The following RELN variants were observed in gnomAD, a reference collection of about 807,000 sequenced individuals.
The protein encoded by RELN is reelin.
Under a neutral mutation model 427.6 loss-of-function variants are expected in RELN, and 108 were observed. That is an observed-to-expected ratio of 0.25 (90% CI 0.22 to 0.30). The LOEUF (loss-of-function observed/expected upper bound fraction) is 0.30. Among genes scored for constraint, RELN ranks in the 10% least tolerant of loss-of-function variants. The pLI, the probability that RELN is intolerant of heterozygous loss-of-function variation, is 1.00. For synonymous variants in RELN, 1,524 were observed against 1,513.4 expected, an observed-to-expected ratio of 1.01 and a Z score of -0.16; for missense variants, 3,715 against 4,302.8, an observed-to-expected ratio of 0.86 and a Z score of 3.82.
At chr7:103,931,043 C>T (rs1563097627) in intron 1 of RELN, among the ~76,000 whole-genome samples, 1 of 152,022 alleles carries the variant, frequency 6.6e-6, no homozygotes, top group Non-Finnish European at 1.5e-5. Context: ...CTTCCTGAGT[C>T]TTATAAAATT....
intron 1 of RELN, among the ~76,000 whole-genome samples, chr7:103,936,753 C>G (rs1212601477): frequency 1.7e-4 from 15 of 88,306 alleles, no homozygotes; most frequent in East Asian, 5.8e-4. Context: ...GACACACACA[C>G]ACACACACAC....
At chr7:103,908,943 A>G (rs1795278482) in intron 2 of RELN, among the ~76,000 whole-genome samples, 1 of 152,216 alleles carries the variant, frequency 6.6e-6, no homozygotes, top group South Asian at 2.1e-4. Flanking sequence ...ACCATACCCA[A>G]TAAAACATCA....
intron 45 of RELN, among the ~76,000 whole-genome samples, chr7:103,535,876 C>A (rs362736): frequency 0.67 from 101,652 of 151,604 alleles, 34,424 homozygotes; most frequent in Middle Eastern, 0.75. Flanking sequence ...TAGTGATAGA[C>A]TATATATCAC....
intron 4 of RELN, among the ~76,000 whole-genome samples, chr7:103,764,855 AG>A (rs1488197891): frequency 4.7e-5 from 7 of 149,174 alleles, no homozygotes; most frequent in Non-Finnish European, 1.0e-4. Context: ...AAAAAAAAAA[AG>A]TGCAAAAAGA....
intron 20 of RELN, 86 bp downstream of exon 20, chr7:103,629,854 G>C: frequency 1.1e-6 from 1 of 904,648 alleles, no homozygotes; most frequent in South Asian, 1.3e-5. Context: ...GTCAACAAAT[G>C]ACTAAATGCT....
intron 2 of RELN, among the ~76,000 whole-genome samples, chr7:103,864,815 G>C (rs191367252): frequency 6.6e-6 from 1 of 151,952 alleles, no homozygotes; most frequent in African/African-American, 2.4e-5. Context: ...GCCAGACTAA[G>C]AAAAAGAGAA....
At chr7:103,736,738 G>C (rs886992043) in intron 6 of RELN, among the ~76,000 whole-genome samples, 4 of 152,086 alleles carry the variant, frequency 2.6e-5, no homozygotes, top group African/African-American at 9.7e-5. Flanking sequence ...AAATGTACTT[G>C]ACATTTAATT....
At chr7:103,688,904 T>A (rs111354463) in intron 10 of RELN, among the ~76,000 whole-genome samples, 3,588 of 152,220 alleles carry the variant, frequency 0.024, 73 homozygotes, top group Non-Finnish European at 0.037. Context: ...TGATGTTTGT[T>A]AAACTAGAAA....
chr7:103,980,602 G>A (rs898191366), intron 1 of RELN, among the ~76,000 whole-genome samples: 1 of 152,038 alleles, frequency 6.6e-6, no homozygotes, highest in African/African-American at 2.4e-5. Context: ...TGCCATCTTG[G>A]GCAAAACACT....
intron 20 of RELN, among the ~76,000 whole-genome samples, chr7:103,625,614 A>G (rs1832312324): frequency 6.6e-6 from 1 of 152,072 alleles, no homozygotes; most frequent in Admixed American, 6.6e-5. Flanking sequence ...CTTTACGACA[A>G]TTTTGAGAGT....
chr7:103,767,099 A>G lies in RELN; in HGVS notation c.544+9458T>C, dbSNP rs77614780. Among the ~76,000 whole-genome samples the G allele has an allele frequency of 1.6e-3, 239 of 152,296 alleles. 3 individuals carry two copies. The East Asian group carries it at 0.041, about 26-fold the overall frequency. On this transcript the variant is annotated intron_variant, in intron 4 of 64. Coordinates refer to ENST00000428762, the MANE Select transcript of RELN (RefSeq NM_005045.4). ...CAGGCCAATGAATATACACACACAC[A>G]TGATTATTTTCCCTGCTCCATCTTC...
chr7:103,855,695 G>T (rs959046887), intron 2 of RELN, among the ~76,000 whole-genome samples: 2 of 152,096 alleles, frequency 1.3e-5, no homozygotes, highest in Non-Finnish European at 2.9e-5. Flanking sequence ...GTGTCAACAG[G>T]GTTAGCTCTT....
chr7:103,557,533 T>C (rs565559724), intron 37 of RELN, among the ~76,000 whole-genome samples: 2 of 152,334 alleles, frequency 1.3e-5, no homozygotes, highest in East Asian at 1.9e-4. Context: ...ATGTATTATA[T>C]CTACAATCAA....
At chr7:103,876,483 A>C (rs1287801167) in intron 2 of RELN, among the ~76,000 whole-genome samples, 1 of 149,926 alleles carries the variant, frequency 6.7e-6, no homozygotes, top group African/African-American at 2.4e-5. Context: ...TAAATATATA[A>C]AGCACAAAAT....
At chr7:103,523,272 G>GA (rs1288945763) in intron 47 of RELN, 119 bp downstream of exon 47, 7 of 1,174,688 alleles carry the variant, frequency 6.0e-6, no homozygotes, top group South Asian at 2.7e-5. Context: ...TCATATTTCA[G>GA]AAAAAAATGT....
intron 3 of RELN, among the ~76,000 whole-genome samples, chr7:103,829,914 T>C (rs1793234821): frequency 6.6e-6 from 1 of 152,074 alleles, no homozygotes; most frequent in African/African-American, 2.4e-5. Context: ...CATGATACAT[T>C]GGCTGTATTA....
intron 44 of RELN, 71 bp from the exon 45 acceptor site, chr7:103,539,398 G>T (rs973078224): frequency 7.1e-7 from 1 of 1,400,650 alleles, no homozygotes; most frequent in East Asian, 2.6e-5. Context: ...TGCCTTTTTC[G>T]TTTGTTTGTT....
intron 58 of RELN, among the ~76,000 whole-genome samples, chr7:103,491,627 C>G (rs1828653907): frequency 6.6e-6 from 1 of 152,000 alleles, no homozygotes; most frequent in Admixed American, 6.6e-5. Context: ...GTCGGGAGTT[C>G]AAGACCAGCC....
chr7:103,820,994 G>T (rs1793000939), intron 3 of RELN, among the ~76,000 whole-genome samples: 1 of 151,984 alleles, frequency 6.6e-6, no homozygotes, highest in African/African-American at 2.4e-5. Flanking sequence ...GTTAAAAAAA[G>T]TCATATCAAG....
Sources: gnomAD v4.1 joint callset for allele counts (sites outside exome capture counted in the v4.1 genomes callset) on GRCh38, gnomAD v4.1.1 for gene constraint, MANE v1.5 for transcripts, NCBI Gene and HGNC (gene_info 2026-07-23, HGNC 2026-07-21) for gene names.